The following PLEKHA3 variants were observed in gnomAD, a reference collection of about 807,000 sequenced individuals.
PLEKHA3 encodes pleckstrin homology domain containing A3, also known as pleckstrin homology domain-containing family A member 3.
In PLEKHA3, 19 loss-of-function variants were observed where a neutral mutation model predicts 39.2. That is an observed-to-expected ratio of 0.48 (90% CI 0.34 to 0.71). The LOEUF (loss-of-function observed/expected upper bound fraction) is 0.71, where lower values mean the gene tolerates loss of function less well. Among genes scored for constraint, PLEKHA3 ranks in the 30% least tolerant of loss-of-function variants. The pLI, the probability that PLEKHA3 is intolerant of heterozygous loss-of-function variation, is 0.01. For synonymous variants in PLEKHA3, 97 were observed against 118.6 expected, an observed-to-expected ratio of 0.82 and a Z score of 1.18; for missense variants, 253 against 359.5, an observed-to-expected ratio of 0.70 and a Z score of 2.40.
intron 7 of PLEKHA3, among the ~76,000 whole-genome samples, 153 bp from the exon 8 acceptor site, chr2:178,503,605 TAA>T (rs1172183630): frequency 3.3e-5 from 5 of 151,972 alleles, no homozygotes; most frequent in Admixed American, 1.3e-4. Flanking sequence ...GTCTAAAAGT[TAA>T]GTTTTCCTGC....
rs1004384137 is a variant in PLEKHA3 at position 178,515,815 on chromosome 2, T to C, written c.*11928T>C. On this transcript the variant is annotated 3_prime_UTR_variant, in exon 8 of 8. Transcript: ENST00000234453. ...TTAATTATAATTGGCTTTCCAAAAT[T>C]TTCACTTTTTTTCAGTTAACTAGTT... The C allele has an allele frequency of 6.6e-6, 1 of 152,074 alleles. No individual in the cohort carries two copies. The highest frequency in any genetic ancestry group is 1.5e-5 in the Non-Finnish European group (1 of 67,962). The allele number at this position is 152,074 out of a possible 1,614,324, so 9.4% of individuals were successfully genotyped here.
chr2:178,503,232 G>A (rs1342535724), intron 7 of PLEKHA3, among the ~76,000 whole-genome samples: 2 of 151,892 alleles, frequency 1.3e-5, no homozygotes, highest in African/African-American at 2.4e-5. Context: ...ATGGAGAAAT[G>A]GGATCTTTCA....
At chr2:178,492,007 A>G (rs545725087) in intron 3 of PLEKHA3, among the ~76,000 whole-genome samples, 1 of 152,300 alleles carries the variant, frequency 6.6e-6, no homozygotes, top group East Asian at 1.9e-4. Context: ...TAAAAGTACT[A>G]CTTTCCTAAC....
In PLEKHA3 at chr2:178,512,671, G is replaced by C. The variant is rs1003898552; in HGVS notation, c.*8784G>C. ...CAGAACTCCTTTTGGATGCGGTGAA[G>C]CATTTTATGAGTGAACAATGGTGAG... On this transcript the variant is annotated 3_prime_UTR_variant, in exon 8 of 8. Coordinates refer to ENST00000234453, the MANE Select transcript of PLEKHA3 (RefSeq NM_019091.4). 2.6e-5 allele frequency: 4 copies of C among 153,772 alleles called. No individual in the cohort carries two copies. Among genetic ancestry groups the C allele is most frequent in the Admixed American group, 6.5e-5 (1 of 15,284 alleles). The allele number at this position is 153,772 out of a possible 1,614,324, so 9.5% of individuals were successfully genotyped here. A position where few individuals can be genotyped will look rare whatever the true frequency, so the allele number is the denominator to read the frequency against.
chr2:178,488,513 C>T (rs1462864931), intron 2 of PLEKHA3, among the ~76,000 whole-genome samples: 4 of 152,208 alleles, frequency 2.6e-5, no homozygotes, highest in Non-Finnish European at 5.9e-5. Context: ...AAGCAAGTGA[C>T]CATGTATATG....
At chr2:178,500,481 G>C (rs1685514282) in intron 6 of PLEKHA3, among the ~76,000 whole-genome samples, 1 of 152,052 alleles carries the variant, frequency 6.6e-6, no homozygotes, top group South Asian at 2.1e-4. Context: ...GATGAATCAA[G>C]GTTGTCATTA....
chr2:178,506,410 T>A lies in PLEKHA3; in HGVS notation c.*2523T>A, dbSNP rs898229750. On this transcript the variant is annotated 3_prime_UTR_variant, in exon 8 of 8. Transcript: ENST00000234453. The stretch of plus-strand genomic sequence containing the variant: ...TTTTATAAATGAGCTGAATTTGAAT[T>A]TTCTTACATCATATGGGATTATTGC... 6.6e-6 allele frequency: 1 copy of A among 152,192 alleles called. No individual in the cohort carries two copies. Among genetic ancestry groups the A allele is most frequent in the African/African-American group, 2.4e-5 (1 of 41,450 alleles). The allele number at this position is 152,192 out of a possible 1,614,324, so 9.4% of individuals were successfully genotyped here.
rs1273221029 is a variant in PLEKHA3 at position 178,507,233 on chromosome 2, C to G, written c.*3346C>G. ...GATTTACTTTACTTAAACTCTCCAC[C>G]TCCCACATTTTTCTTCCCCCACCCC... On this transcript the variant is annotated 3_prime_UTR_variant, in exon 8 of 8. Transcript: ENST00000234453. 6.6e-6 allele frequency: 1 copy of G among 152,142 alleles called. No individual in the cohort carries two copies. Among genetic ancestry groups the G allele is most frequent in the Non-Finnish European group, 1.5e-5 (1 of 68,014 alleles). The allele number at this position is 152,142 out of a possible 1,614,324, so 9.4% of individuals were successfully genotyped here.
rs1685397575 is a variant in PLEKHA3, at chr2:178,493,839, T to C, written c.314-14T>C. 1 of 1,605,568 alleles carries C rather than the reference T, an allele frequency of 6.2e-7. No homozygotes were observed. Among genetic ancestry groups the C allele is most frequent in the African/African-American group, 1.3e-5 (1 of 74,678 alleles). On this transcript the variant is annotated splice_polypyrimidine_tract_variant and intron_variant, in intron 3 of 7. Coordinates refer to ENST00000234453, the MANE Select transcript of PLEKHA3 (RefSeq NM_019091.4). ...AAAATGATCTAACTGTATATTTATGTATATTCTTTTCAGAAATAAGTGAAA... is the reference window on the plus strand; with the variant it reads ...AAAATGATCTAACTGTATATTTATGCATATTCTTTTCAGAAATAAGTGAAA...
chr2:178,494,117 C>T, intron 4 of PLEKHA3, 128 bp downstream of exon 4: 1 of 1,002,268 alleles, frequency 1.0e-6, no homozygotes, highest in Non-Finnish European at 1.4e-6. Context: ...GTTCTGCCTA[C>T]TGTATACTAT....
chr2:178,503,574 CT>C (rs576540666), intron 7 of PLEKHA3, among the ~76,000 whole-genome samples, 185 bp from the exon 8 acceptor site: 55 of 152,044 alleles, frequency 3.6e-4, no homozygotes, highest in African/African-American at 1.2e-3. Context: ...GATGTTTCTC[CT>C]TGTGGCTGTT....
In PLEKHA3 at chr2:178,505,746, C is replaced by G. The variant is rs1685594085; in HGVS notation, c.*1859C>G. 1 of 151,686 alleles carries G rather than the reference C, an allele frequency of 6.6e-6. No individual in the cohort carries two copies. Among genetic ancestry groups the G allele is most frequent in the African/African-American group, 2.4e-5 (1 of 41,352 alleles). 9.4% of individuals were successfully genotyped at this position (151,686 alleles called of 1,614,324 possible). ...CACATCCATTTTCTATTGCTTTACC[C>G]AAATAGATGGGTTCGTGAAGAGTTT... On this transcript the variant is annotated 3_prime_UTR_variant, in exon 8 of 8. Coordinates refer to ENST00000234453, the MANE Select transcript of PLEKHA3 (RefSeq NM_019091.4).
intron 1 of PLEKHA3, among the ~76,000 whole-genome samples, chr2:178,481,355 A>C (rs187960713): frequency 6.6e-6 from 1 of 152,148 alleles, no homozygotes; most frequent in Non-Finnish European, 1.5e-5. Context: ...TTTCCTTAAC[A>C]TTTTATTTAA....
At chr2:178,502,833 C>T (rs13026251) in intron 7 of PLEKHA3, among the ~76,000 whole-genome samples, 35,028 of 151,544 alleles carry the variant, frequency 0.23, 4,910 homozygotes, top group Non-Finnish European at 0.32. Flanking sequence ...CACGCGCATA[C>T]ATATAGTTCA....
chr2:178,480,888 A>C lies in PLEKHA3; in HGVS notation c.19A>C (p.Lys7Gln). The C allele has an allele frequency of 7.6e-7, 1 of 1,314,458 alleles. No individual in the cohort carries two copies. The highest frequency in any genetic ancestry group is 9.8e-7 in the Non-Finnish European group (1 of 1,022,622). 81.4% of individuals were successfully genotyped at this position (1,314,458 alleles called of 1,614,324 possible). A position where few individuals can be genotyped will look rare whatever the true frequency, so the allele number is the denominator to read the frequency against. MEGVLY[K>Q]WTNYLTGWQP... ...CTGAAGCATGGAGGGGGTGTTGTAC[A>C]AGTGGACCAACTATCTCACAGGTAT... The change falls in exon 1 of 8, where the codon AAG becomes CAG. Residue 7 changes from lysine to glutamine, a missense_variant. Coordinates refer to ENST00000234453, the MANE Select transcript of PLEKHA3 (RefSeq NM_019091.4).
In PLEKHA3 at chr2:178,514,542, C is replaced by T. The variant is rs1186095994; in HGVS notation, c.*10655C>T. 1.3e-5 allele frequency: 2 copies of T among 152,060 alleles called. No homozygotes were observed. Among genetic ancestry groups the T allele is most frequent in the South Asian group, 2.1e-4 (1 of 4,828 alleles). 9.4% of individuals were successfully genotyped at this position (152,060 alleles called of 1,614,324 possible). On this transcript the variant is annotated 3_prime_UTR_variant, in exon 8 of 8. Transcript: ENST00000234453. ...ACTTTAAAATGGGAACAAACATAGC[C>T]TGTCATGTCTTTATTTAGGCTAAGT...
intron 7 of PLEKHA3, among the ~76,000 whole-genome samples, chr2:178,502,978 A>G (rs1311135465): frequency 6.6e-6 from 1 of 152,038 alleles, no homozygotes; most frequent in Non-Finnish European, 1.5e-5. Context: ...TCTTTCCAGA[A>G]AGTATATATT....
At chr2:178,489,503 T>TCTG (rs1685310440) in intron 2 of PLEKHA3, among the ~76,000 whole-genome samples, 1 of 138,256 alleles carries the variant, frequency 7.2e-6, no homozygotes, top group Non-Finnish European at 1.5e-5. Flanking sequence ...TGTTGCCCAG[T>TCTG]CTGGAGTGCA....
chr2:178,491,008 T>C (rs1404277836), intron 3 of PLEKHA3, among the ~76,000 whole-genome samples, 194 bp downstream of exon 3: 1 of 143,922 alleles, frequency 6.9e-6, no homozygotes, highest in Non-Finnish European at 1.5e-5. Flanking sequence ...AACTCTTTCT[T>C]TCTTTTTTTT....
Sources: gnomAD v4.1 joint callset for allele counts (sites outside exome capture counted in the v4.1 genomes callset) on GRCh38, gnomAD v4.1.1 for gene constraint, MANE v1.5 for transcripts, NCBI Gene and HGNC (gene_info 2026-07-23, HGNC 2026-07-21) for gene names.